Variants in ATP10B observed in about 807,000 individuals in gnomAD.
The protein encoded by ATP10B is phospholipid-transporting ATPase VB.
ATP10B carries 122 observed loss-of-function variants against 141.2 expected under a neutral mutation model. That is an observed-to-expected ratio of 0.86 (90% confidence interval 0.75 to 1.00). The LOEUF (loss-of-function observed/expected upper bound fraction) is 1.00, where lower values mean the gene tolerates loss of function less well. Among genes scored for constraint, ATP10B ranks in the 50% least tolerant of loss-of-function variants. The pLI is 0.00. For missense variants in ATP10B, 1,876 were observed against 1,825.3 expected (o/e 1.03, Z -0.51); for synonymous variants, 685 against 692.0 (o/e 0.99, Z 0.16).
At chr5:160,682,234 T>G (rs1340681886) in intron 6 of ATP10B, among the ~76,000 whole-genome samples, 1 of 152,228 alleles carries the variant, frequency 6.6e-6, no homozygotes, top group African/African-American at 2.4e-5. Flanking sequence ...GCTGTGTCTT[T>G]TCTTAGTCCT....
intron 22 of ATP10B, among the ~76,000 whole-genome samples, chr5:160,597,556 A>C (rs1001413932): frequency 1.2e-4 from 18 of 152,150 alleles, no homozygotes; most frequent in Non-Finnish European, 1.6e-4. Flanking sequence ...GGATCTAATT[A>C]AACTAAAGAG....
chr5:160,783,422 A>G (rs1250181767), intron 2 of ATP10B, among the ~76,000 whole-genome samples: 3 of 105,836 alleles, frequency 2.8e-5, no homozygotes, highest in Non-Finnish European at 5.7e-5. Context: ...CCATGGATAT[A>G]TCCATGGATA....
At chr5:160,851,832 T>C (rs2127993548) in intron 1 of ATP10B, 109 bp downstream of exon 1, 1 of 152,286 alleles carries the variant, frequency 6.6e-6, no homozygotes, top group South Asian at 2.1e-4. Context: ...AAATGCAGTG[T>C]AAAGAAAAGT....
At chr5:160,652,975 T>A (rs1347095553) in intron 7 of ATP10B, among the ~76,000 whole-genome samples, 3 of 97,174 alleles carry the variant, frequency 3.1e-5, no homozygotes. Flanking sequence ...GTATATATAA[T>A]ATATACATAC....
chr5:160,650,477 T>C (rs1760653102), intron 7 of ATP10B, among the ~76,000 whole-genome samples: 1 of 152,164 alleles, frequency 6.6e-6, no homozygotes, highest in East Asian at 1.9e-4. Context: ...ATCAGGACCC[T>C]TTTCAGGATG....
intron 2 of ATP10B, among the ~76,000 whole-genome samples, chr5:160,779,539 C>G (rs1422750504): frequency 6.6e-6 from 1 of 152,164 alleles, no homozygotes; most frequent in East Asian, 1.9e-4. Flanking sequence ...TGTGCAACAG[C>G]CTTGGAGGAA....
intron 14 of ATP10B, among the ~76,000 whole-genome samples, chr5:160,621,967 T>C (rs908562994): frequency 2.0e-5 from 3 of 152,232 alleles, no homozygotes; most frequent in African/African-American, 7.2e-5. Context: ...ATGAGCCATA[T>C]GTCCTTCATT....
At chr5:160,779,239 G>T (rs952669655) in intron 2 of ATP10B, among the ~76,000 whole-genome samples, 6 of 152,146 alleles carry the variant, frequency 3.9e-5, no homozygotes, top group African/African-American at 9.7e-5. Flanking sequence ...AAAAGGAAAA[G>T]ATTTAAATCA....
At chr5:160,634,299 A>G in intron 12 of ATP10B, 55 bp downstream of exon 12, 1 of 1,612,898 alleles carries the variant, frequency 6.2e-7, no homozygotes, top group Non-Finnish European at 8.5e-7. Flanking sequence ...GTTTCTTAGG[A>G]GAGCAGGGTA....
At chr5:160,680,524 G>C (rs539742660) in intron 6 of ATP10B, among the ~76,000 whole-genome samples, 68 of 152,324 alleles carry the variant, frequency 4.5e-4, no homozygotes, top group Non-Finnish European at 1.5e-4. Flanking sequence ...AATGTCCCAA[G>C]ATGTGTATAT....
intron 24 of ATP10B, among the ~76,000 whole-genome samples, chr5:160,571,718 G>A (rs1249749370): frequency 4.6e-5 from 7 of 152,136 alleles, no homozygotes; most frequent in African/African-American, 1.7e-4. Flanking sequence ...CAATCGTTGG[G>A]CACTGCTAAT....
chr5:160,763,244 C>G (rs1195950685), intron 2 of ATP10B, among the ~76,000 whole-genome samples: 1 of 152,078 alleles, frequency 6.6e-6, no homozygotes, highest in Non-Finnish European at 1.5e-5. Context: ...TTCTACCCAG[C>G]AACTGCAGAA....
At chr5:160,781,409 G>A (rs2127881845) in intron 2 of ATP10B, among the ~76,000 whole-genome samples, 1 of 152,210 alleles carries the variant, frequency 6.6e-6, no homozygotes, top group African/African-American at 2.4e-5. Flanking sequence ...GGTGTTGTCG[G>A]TTTGTGATGG....
chr5:160,642,209 C>A (rs1333597569), intron 9 of ATP10B, among the ~76,000 whole-genome samples: 1 of 152,170 alleles, frequency 6.6e-6, no homozygotes, highest in African/African-American at 2.4e-5. Context: ...CTTTGTACTT[C>A]AATTCCTCAT....
chr5:160,785,546 G>A lies in ATP10B; in HGVS notation c.-331+13C>T, dbSNP rs1349566343. On this transcript the variant is annotated intron_variant, in intron 2 of 25. Coordinates refer to ENST00000327245, the MANE Select transcript of ATP10B (RefSeq NM_025153.3). ...TTCTAATGACCCCACTGCCCAAGAAGTAAAGATAGTACCTGATAGGTAGAT... is the reference window on the plus strand; with the variant it reads ...TTCTAATGACCCCACTGCCCAAGAAATAAAGATAGTACCTGATAGGTAGAT... 1.6e-6 allele frequency: 1 copy of A among 618,448 alleles called. No homozygotes were observed. Among genetic ancestry groups the A allele is most frequent in the Middle Eastern group, 2.9e-4 (1 of 3,410 alleles). The allele number at this position is 618,448 out of a possible 1,614,324, so 38.3% of individuals were successfully genotyped here.
At chr5:160,820,664 T>A (rs1324188526) in intron 1 of ATP10B, among the ~76,000 whole-genome samples, 3 of 151,948 alleles carry the variant, frequency 2.0e-5, no homozygotes, top group Non-Finnish European at 4.4e-5. Flanking sequence ...CAAACCAAAT[T>A]AAACAACACA....
rs1344927918 is a variant in ATP10B, at chr5:160,563,132, T to C, written c.*2321A>G. The C allele has an allele frequency of 6.6e-6, 1 of 152,216 alleles. No homozygotes were observed. Among genetic ancestry groups the C allele is most frequent in the African/African-American group, 2.4e-5 (1 of 41,452 alleles). The allele number at this position is 152,216 out of a possible 1,614,324, so 9.4% of individuals were successfully genotyped here. A position where few individuals can be genotyped will look rare whatever the true frequency, so the allele number is the denominator to read the frequency against. ...ATGTGAACTTAGGTTGGCAGGCAAC[T>C]ATGGAAAACCATGTTTATTTTTAAT... On this transcript the variant is annotated 3_prime_UTR_variant, in exon 26 of 26. Transcript: ENST00000327245.
At chr5:160,795,691 A>G (rs1771897193) in intron 1 of ATP10B, among the ~76,000 whole-genome samples, 1 of 151,940 alleles carries the variant, frequency 6.6e-6, no homozygotes, top group South Asian at 2.1e-4. Flanking sequence ...AAGTGTCCTT[A>G]TAAGAGAAAG....
intron 6 of ATP10B, 27 bp downstream of exon 6, chr5:160,686,052 A>G: frequency 6.6e-7 from 1 of 1,508,114 alleles, no homozygotes; most frequent in South Asian, 1.4e-5. Context: ...CATTTGCAAG[A>G]GAGAACACAG....
Sources: allele counts gnomAD v4.1 joint callset (sites outside exome capture counted in the v4.1 genomes callset), GRCh38; gene constraint gnomAD v4.1.1; transcripts MANE v1.5; gene names NCBI Gene and HGNC (gene_info 2026-07-23, HGNC 2026-07-21).